The following SPPL2A variants were observed in gnomAD, a reference collection of about 807,000 sequenced individuals.
SPPL2A encodes signal peptide peptidase like 2A.
In SPPL2A, 51 loss-of-function variants were observed where a neutral mutation model predicts 63.8. The ratio of observed to expected loss-of-function variants is 0.80; its 90% CI spans 0.64 to 1.01. The LOEUF (loss-of-function observed/expected upper bound fraction) is 1.01. Among genes scored for constraint, SPPL2A ranks in the 50% least tolerant of loss-of-function variants. The pLI is 0.00. For missense variants in SPPL2A, 553 were observed against 622.7 expected (o/e 0.89, Z 1.19); for synonymous variants, 188 against 205.8 (o/e 0.91, Z 0.74).
At chr15:50,750,618 TTG>T (rs780799167) in intron 1 of SPPL2A, among the ~76,000 whole-genome samples, 70 of 152,272 alleles carry the variant, frequency 4.6e-4, no homozygotes, top group Non-Finnish European at 3.8e-4. Flanking sequence ...AAGAAAAGCG[TTG>T]TCTCATTTCC....
At chr15:50,731,953 T>A (rs147615043) in intron 9 of SPPL2A, among the ~76,000 whole-genome samples, 355 of 121,968 alleles carry the variant, frequency 2.9e-3, no homozygotes, top group Middle Eastern at 0.01. Context: ...ACCAAATAAA[T>A]AAAAAAAAAA....
intron 6 of SPPL2A, among the ~76,000 whole-genome samples, chr15:50,738,770 T>C (rs985361766): frequency 4.6e-5 from 7 of 152,246 alleles, no homozygotes; most frequent in African/African-American, 1.7e-4. Flanking sequence ...AAGCCATTAA[T>C]AAGACTGTTC....
At chr15:50,725,706 C>A (rs1020020747) in intron 11 of SPPL2A, among the ~76,000 whole-genome samples, 1 of 152,208 alleles carries the variant, frequency 6.6e-6, no homozygotes, top group Non-Finnish European at 1.5e-5. Context: ...GCTGGTATTA[C>A]AGGCATGAGC....
chr15:50,764,785 T>TA (rs2063043390), intron 1 of SPPL2A, among the ~76,000 whole-genome samples: 2 of 152,156 alleles, frequency 1.3e-5, no homozygotes. Context: ...ATTTCTTACT[T>TA]ACATTTAACC....
rs2062631393 is a variant in SPPL2A at position 50,719,967 on chromosome 15, T to G, written c.1461A>C (p.Lys487Asn). ...SVVAWRRKEM[K>N]KFWKGNSYQM... ...GATAGCTGTTACCTTTCCAGAACTT[T>G]TTCATTTCCTTACGTCTCCAGGCAA... The change falls in exon 14 of 15, where the codon AAA (lysine) becomes AAC (asparagine). Residue 487 changes from lysine (K) to asparagine (N), a missense_variant. Lys to Asn is a moderately conservative substitution (Grantham distance 94). Transcript: ENST00000261854. 1 of 1,613,392 alleles carries G rather than the reference T, an allele frequency of 6.2e-7. No individual in the cohort carries two copies. The highest frequency in any genetic ancestry group is 1.1e-5 in the South Asian group (1 of 90,992).
intron 1 of SPPL2A, among the ~76,000 whole-genome samples, chr15:50,763,421 A>G (rs2063029047): frequency 6.6e-6 from 1 of 152,246 alleles, no homozygotes; most frequent in Non-Finnish European, 1.5e-5. Context: ...GATCCTTACA[A>G]TTTAAACAGA....
intron 1 of SPPL2A, among the ~76,000 whole-genome samples, chr15:50,750,895 G>A (rs1282244163): frequency 6.6e-6 from 1 of 152,188 alleles, no homozygotes; most frequent in East Asian, 1.9e-4. Context: ...CTAAGCTTCT[G>A]CCACCAAAGC....
intron 2 of SPPL2A, among the ~76,000 whole-genome samples, 160 bp downstream of exon 2, chr15:50,749,476 A>T (rs188432321): frequency 1.8e-4 from 27 of 152,056 alleles, no homozygotes; most frequent in South Asian, 6.2e-4. Context: ...TTAGTAGAGA[A>T]GGGGTTTCAC....
At position 50,706,165 on chromosome 15, in the gene SPPL2A, G is replaced by A. The variant is rs887409668; in HGVS notation, c.*1635C>T. On this transcript the variant is annotated 3_prime_UTR_variant, in exon 15 of 15. Transcript: ENST00000261854. ...CCAGCACTTTGGGAGGCCGAGGCGG[G>A]CGGATCACGAGGTCAGGAGATCGAG... is the stretch of plus-strand genomic sequence containing the variant. 3 of 152,046 alleles carry A rather than the reference G, an allele frequency of 2.0e-5. No individual in the cohort carries two copies. The highest frequency in any genetic ancestry group is 2.4e-5 in the African/African-American group (1 of 41,508). 9.4% of individuals were successfully genotyped at this position (152,046 alleles called of 1,614,324 possible).
chr15:50,749,380 T>C (rs1187908381), intron 2 of SPPL2A, among the ~76,000 whole-genome samples: 2 of 152,130 alleles, frequency 1.3e-5, no homozygotes, highest in Non-Finnish European at 2.9e-5. Context: ...CTCTGCCTCC[T>C]GGGTTCACAC....
At chr15:50,742,455 C>T (rs117249090) in intron 5 of SPPL2A, among the ~76,000 whole-genome samples, 2,625 of 152,198 alleles carry the variant, frequency 0.017, 24 homozygotes, top group Non-Finnish European at 0.024. Flanking sequence ...GCATCTTTCC[C>T]TTTTGCTTAA....
intron 1 of SPPL2A, among the ~76,000 whole-genome samples, chr15:50,757,334 G>A (rs1198049554): frequency 2.0e-5 from 3 of 151,758 alleles, no homozygotes; most frequent in Non-Finnish European, 4.4e-5. Flanking sequence ...CGCCCGCCTC[G>A]GCCTCCCAAA....
At chr15:50,715,324 G>A (rs1324923654) in intron 14 of SPPL2A, among the ~76,000 whole-genome samples, 3 of 152,050 alleles carry the variant, frequency 2.0e-5, no homozygotes. Context: ...ATGGTCCAGG[G>A]CAAAGCATTT....
chr15:50,721,710 T>C (rs1256830956), intron 13 of SPPL2A, among the ~76,000 whole-genome samples: 1 of 151,976 alleles, frequency 6.6e-6, no homozygotes, highest in Non-Finnish European at 1.5e-5. Flanking sequence ...GTTCAAGTGA[T>C]TCTCCTGCCT....
At chr15:50,759,277 T>G (rs1445829692) in intron 1 of SPPL2A, among the ~76,000 whole-genome samples, 1 of 152,056 alleles carries the variant, frequency 6.6e-6, no homozygotes, top group Non-Finnish European at 1.5e-5. Context: ...ATACCCTATT[T>G]TTGATTCAGA....
intron 1 of SPPL2A, among the ~76,000 whole-genome samples, chr15:50,762,899 A>T (rs1596403012): frequency 6.9e-6 from 1 of 143,970 alleles, no homozygotes; most frequent in South Asian, 2.2e-4. Flanking sequence ...CGCCCGGCTA[A>T]TTTTTTTTTT....
At position 50,706,067 on chromosome 15, in the gene SPPL2A, C is replaced by T. The variant is rs1177719804; in HGVS notation, c.*1733G>A. On this transcript the variant is annotated 3_prime_UTR_variant, in exon 15 of 15. Coordinates refer to ENST00000261854, the MANE Select transcript of SPPL2A (RefSeq NM_032802.4). ...AGTTGGAAGGTACCAGAGTGATTAG[C>T]TGGTCTAACCTACTCATTTTACAGA... 1.3e-5 allele frequency: 2 copies of T among 152,144 alleles called. No homozygotes were observed. The highest frequency in any genetic ancestry group is 4.8e-5 in the African/African-American group (2 of 41,452). The allele number at this position is 152,144 out of a possible 1,614,324, so 9.4% of individuals were successfully genotyped here.
chr15:50,718,231 C>A (rs545723168), intron 14 of SPPL2A, among the ~76,000 whole-genome samples: 2 of 152,092 alleles, frequency 1.3e-5, no homozygotes, highest in Non-Finnish European at 2.9e-5. Flanking sequence ...CCCGCCTCAG[C>A]CTCCCAAAGT....
chr15:50,740,591 T>C (rs950492894), intron 5 of SPPL2A, among the ~76,000 whole-genome samples: 5 of 152,002 alleles, frequency 3.3e-5, no homozygotes, highest in African/African-American at 1.2e-4. Flanking sequence ...AACTTACAGA[T>C]AGTAAAGTAC....
Sources: allele counts gnomAD v4.1 joint callset (sites outside exome capture counted in the v4.1 genomes callset), GRCh38; gene constraint gnomAD v4.1.1; transcripts MANE v1.5; gene names NCBI Gene and HGNC (gene_info 2026-07-23, HGNC 2026-07-21).